DGKA: variants seen among roughly 807,000 people sequenced by gnomAD.
DGKA encodes the protein 80 kDa diacylglycerol kinase.
DGKA carries 35 observed loss-of-function variants against 105.0 expected under a neutral mutation model. That is an observed-to-expected ratio of 0.33 (90% CI 0.25 to 0.44). The LOEUF is 0.44. Ranked by LOEUF, DGKA falls within the 20% of genes least tolerant of loss-of-function variation. The probability of loss-of-function intolerance (pLI) is 1.00; values close to 1 mark genes in which losing one functional copy is unlikely to be tolerated. For missense variants in DGKA, 665 were observed against 915.0 expected (o/e 0.73, Z 3.53); for synonymous variants, 296 against 332.0 (o/e 0.89, Z 1.18).
upstream of DGKA, chr12:55,930,372 T>TG (rs1216139357): frequency 2.2e-5 from 3 of 137,956 alleles, no homozygotes; most frequent in Non-Finnish European, 4.5e-5. Context: ...TTTTTTTTTT[T>TG]TTTTTTTTTT....
At position 55,951,645 on chromosome 12, in the gene DGKA, A is replaced by C. The variant is rs372195394; in HGVS notation, c.1449A>C (p.Ala483=). ...TAGGTTATGAAGGACAGAATCTGGC[A>C]AAGATCCTCAAGGATTTAGAGATGA... ...WGGGYEGQNL[A]KILKDLEMSK... is the part of the protein sequence containing the mutation. The change falls in exon 18 of 24, where the codon GCA becomes GCC. Residue 483 remains alanine, a synonymous_variant. Transcript: ENST00000331886. The C allele has an allele frequency of 3.7e-6, 6 of 1,614,024 alleles. No homozygotes were observed. In the African/African-American group the frequency reaches 8.0e-5, roughly 22 times the overall value.
intron 13 of DGKA, 38 bp from the exon 14 acceptor site, chr12:55,941,214 C>A (rs1023068556): frequency 6.3e-7 from 1 of 1,589,162 alleles, no homozygotes; most frequent in Non-Finnish European, 8.6e-7. Flanking sequence ...CTGACAAAAT[C>A]CTGCTTTCTT....
intron 1 of DGKA, among the ~76,000 whole-genome samples, chr12:55,934,365 C>CT (rs1175023825): frequency 6.6e-6 from 1 of 152,148 alleles, no homozygotes; most frequent in Admixed American, 6.5e-5. Context: ...GGTCTGTTGG[C>CT]AGCAGAAGTT....
At chr12:55,939,671 T>G in intron 9 of DGKA, 142 bp downstream of exon 9, 1 of 753,294 alleles carries the variant, frequency 1.3e-6, no homozygotes, top group Non-Finnish European at 2.2e-6. Flanking sequence ...GAAAGCCACA[T>G]CACTTCTTTA....
At chr12:55,939,382 T>C in intron 8 of DGKA, 33 bp from the exon 9 acceptor site, 4 of 1,613,950 alleles carry the variant, frequency 2.5e-6, no homozygotes, top group Non-Finnish European at 3.4e-6. Context: ...GTAAGGGCTT[T>C]GACACTCCCT....
At chr12:55,939,326 G>C in intron 8 of DGKA, 21 bp downstream of exon 8, 2 of 1,613,182 alleles carry the variant, frequency 1.2e-6, no homozygotes, top group South Asian at 2.2e-5. Context: ...GAGACTTTGG[G>C]GGATGAGTAA....
At chr12:55,930,285 G>A (rs539144449), upstream of DGKA, 2 of 151,540 alleles carry the variant, frequency 1.3e-5, no homozygotes, top group South Asian at 2.1e-4. Context: ...GGTCATAGAG[G>A]AAGGAGAGAT....
chr12:55,952,532 A>G lies in DGKA; in HGVS notation c.1743+101A>G, dbSNP rs1182726872. 7.6e-7 allele frequency: 1 copy of G among 1,322,834 alleles called. No individual in the cohort carries two copies. Among genetic ancestry groups the G allele is most frequent in the Non-Finnish European group, 1.1e-6 (1 of 923,084 alleles). 81.9% of individuals were successfully genotyped at this position (1,322,834 alleles called of 1,614,324 possible). A position where few individuals can be genotyped will look rare whatever the true frequency, so the allele number is the denominator to read the frequency against. On this transcript the variant is annotated intron_variant, in intron 20 of 23. Transcript: ENST00000331886. This position sits in a 1 kb window ranked among gnomAD's most constrained non-coding sequence, Gnocchi z 5.1. ...AGGAACTTCCCATATTCTTGAACCT[A>G]TGCTTCTTTAACCTCCCAGCTCTCC...
chr12:55,930,875 TTAGA>T (rs1883532304), upstream of DGKA: 1 of 152,266 alleles, frequency 6.6e-6, no homozygotes, highest in Non-Finnish European at 1.5e-5. Flanking sequence ...CAAGAACTGC[TTAGA>T]TATCCCTGTT....
At chr12:55,936,660 AG>A (rs1329229086) in intron 2 of DGKA, 93 bp downstream of exon 2, 1 of 1,550,742 alleles carries the variant, frequency 6.4e-7, no homozygotes, top group Admixed American at 1.7e-5. Flanking sequence ...CAGCTTCCTC[AG>A]TGGCTTTGAG....
chr12:55,932,855 C>G lies in DGKA; in HGVS notation c.-82+1511C>G. ...AGGGCTACCTACTAGCAGCAACGGTCAGGGAGAGGAGGAGGATACAGTCTA... is the reference window on the plus strand; with the variant it reads ...AGGGCTACCTACTAGCAGCAACGGTGAGGGAGAGGAGGAGGATACAGTCTA... On this transcript the variant is annotated intron_variant, in intron 1 of 23. Transcript: ENST00000331886. The surrounding 1 kb of genome is among the most constrained non-coding windows in gnomAD (Gnocchi z 4.3). 1 of 478,194 alleles carries G rather than the reference C, an allele frequency of 2.1e-6. No homozygotes were observed. The highest frequency in any genetic ancestry group is 3.8e-6 in the Non-Finnish European group (1 of 262,564). 29.6% of individuals were successfully genotyped at this position (478,194 alleles called of 1,614,324 possible).
upstream of DGKA, chr12:55,930,956 G>A (rs1425975853): frequency 2.6e-5 from 4 of 152,056 alleles, no homozygotes; most frequent in East Asian, 7.7e-4. Context: ...TATATTATGT[G>A]TGTGTATGTA....
At chr12:55,927,852 G>A (rs1161516464), upstream of DGKA, 1 of 1,482,514 alleles carries the variant, frequency 6.7e-7, no homozygotes, top group Non-Finnish European at 9.0e-7. Flanking sequence ...GCGAAGTGAT[G>A]AGGGCCCTAG....
rs149792147 is a variant in DGKA at position 55,938,925 on chromosome 12, A to G, written c.410A>G (p.Lys137Arg). The G allele has an allele frequency of 1.9e-3, 2,995 of 1,614,228 alleles. 8 individuals carry two copies. Among genetic ancestry groups the G allele is most frequent in the Non-Finnish European group, 2.1e-3 (2,487 of 1,180,040 alleles). The stretch of plus-strand genomic sequence containing the variant: ...CCCTTTTTGCTCCAGGAAGTGGACA[A>G]AATTATCCTACAGATGATGCGAGTG... ...NGILDSSEVD[K>R]IILQMMRVAE... Residue 137 changes from lysine to arginine, a missense_variant, in exon 7 of 24, where the codon AAA becomes AGA. Lys to Arg is a conservative substitution (Grantham distance 26, BLOSUM62 2). Coordinates refer to ENST00000331886, the MANE Select transcript of DGKA (RefSeq NM_001345.5).
rs753461747 is a variant in DGKA at position 55,936,466 on chromosome 12, A to G, written c.-38A>G. The G allele has an allele frequency of 6.2e-7, 1 of 1,609,762 alleles. No individual in the cohort carries two copies. Among genetic ancestry groups the G allele is most frequent in the Non-Finnish European group, 8.5e-7 (1 of 1,177,074 alleles). ...TCCAAGCAACGGAAGTACTACTACG[A>G]AGCTGCCTTTCTGGCCATCCTTGAG... is the stretch of plus-strand genomic sequence containing the variant. On this transcript the variant is annotated 5_prime_UTR_variant, in exon 2 of 24. Transcript: ENST00000331886.
chr12:55,942,234 A>G lies in DGKA; in HGVS notation c.1397A>G (p.Asp466Gly). The part of the protein sequence containing the change: ...VAVLPLGTGN[D>G]LARCLRWGGG... Reference sequence around the variant, plus strand: ...GTGTTGCCCCTGGGTACTGGAAATGATCTGGCTCGATGCCTAAGATGGGGA... The same window carrying G: ...GTGTTGCCCCTGGGTACTGGAAATGGTCTGGCTCGATGCCTAAGATGGGGA... Residue 466 changes from aspartate (D) to glycine (G), a missense_variant, in exon 17 of 24, where the codon GAT becomes GGT. By Grantham distance (94) the Asp-to-Gly change is moderately conservative. This residue lies in a region of DGKA where 504 missense variants were observed against 681.2 expected (regional missense o/e 0.74). Coordinates refer to ENST00000331886, the MANE Select transcript of DGKA (RefSeq NM_001345.5). The G allele has an allele frequency of 2.5e-6, 4 of 1,614,154 alleles. No individual in the cohort carries two copies. The highest frequency in any genetic ancestry group is 3.4e-6 in the Non-Finnish European group (4 of 1,180,030).
chr12:55,947,291 A>G (rs1887239813), intron 17 of DGKA, among the ~76,000 whole-genome samples: 1 of 152,068 alleles, frequency 6.6e-6, no homozygotes, highest in South Asian at 2.1e-4. Context: ...AGCTGTGGAG[A>G]CATTTTTAAA....
intron 14 of DGKA, 68 bp downstream of exon 14, chr12:55,941,393 A>C: frequency 6.3e-7 from 1 of 1,590,476 alleles, no homozygotes; most frequent in South Asian, 1.1e-5. Context: ...TAGAAGGTGG[A>C]AGGGGATGTG....
At position 55,953,177 on chromosome 12, in the gene DGKA, CA is replaced by C. The variant is rs779844604; in HGVS notation, c.2063+18del. The C allele has an allele frequency of 1.7e-5, 28 of 1,613,880 alleles. No individual in the cohort carries two copies. The Middle Eastern group carries it at 4.9e-4, about 28-fold the overall frequency. ...CACCTTCCAGTAAGGAAGACTCCAC[CA>C]GGGTCCCTGAGGGAAGGTGTGGGGC... On this transcript the variant is annotated intron_variant, in intron 22 of 23. Coordinates refer to ENST00000331886, the MANE Select transcript of DGKA (RefSeq NM_001345.5).
Sources: allele counts gnomAD v4.1 joint callset (sites outside exome capture counted in the v4.1 genomes callset), GRCh38; gene constraint gnomAD v4.1.1; regional missense constraint gnomAD v4.1.1; non-coding constraint Gnocchi (gnomAD v3.1); transcripts MANE v1.5; gene names NCBI Gene and HGNC (gene_info 2026-07-23, HGNC 2026-07-21).